SLC22A12: variants seen among roughly 807,000 people sequenced by gnomAD.
The protein encoded by SLC22A12 is solute carrier family 22 member 12.
SLC22A12 carries 56 observed loss-of-function variants against 52.7 expected under a neutral mutation model. That is an observed-to-expected ratio of 1.06 (90% CI 0.86 to 1.33). The LOEUF (loss-of-function observed/expected upper bound fraction) is 1.33. Among genes scored for constraint, SLC22A12 ranks in the 40% most tolerant of loss-of-function variants. SLC22A12 has a pLI of 0.00. For missense variants in SLC22A12, 683 were observed against 741.5 expected (o/e 0.92, Z 0.92); for synonymous variants, 337 against 324.6 (o/e 1.04, Z -0.41).
intron 4 of SLC22A12, among the ~76,000 whole-genome samples, chr11:64,594,487 TAGGTAGG>T (rs1214818247): frequency 2.8e-3 from 1 of 360 alleles, no homozygotes; most frequent in African/African-American, 3.8e-3. Context: ...AATAGATAGA[TAGGTAGG>T]TAGGTAGGTA....
intron 4 of SLC22A12, among the ~76,000 whole-genome samples, chr11:64,596,247 A>AATGGATGG (rs1437730772): frequency 2.1e-4 from 7 of 32,872 alleles, no homozygotes; most frequent in African/African-American, 6.0e-4. Flanking sequence ...GGATGGATGG[A>AATGGATGG]ATGGATGGAT....
rs1287878580 is a variant in SLC22A12 at position 64,598,558 on chromosome 11, G to T, written c.873G>T (p.Arg291Ser). The T allele has an allele frequency of 6.2e-7, 1 of 1,603,984 alleles. No individual in the cohort carries two copies. The highest frequency in any genetic ancestry group is 8.5e-7 in the Non-Finnish European group (1 of 1,176,500). ...ESARWLLTTG[R>S]LDWGLQELWR... ...CACGATGGCTCCTCACCACAGGCAGGCTGGATTGGGGCCTGCAGGAGCTGT... is the reference window on the plus strand; with the variant it reads ...CACGATGGCTCCTCACCACAGGCAGTCTGGATTGGGGCCTGCAGGAGCTGT... Residue 291 changes from arginine to serine, a missense_variant, in exon 5 of 10, where the codon AGG becomes AGT. Transcript: ENST00000377574.
intron 4 of SLC22A12, 113 bp from the exon 5 acceptor site, chr11:64,598,403 C>T (rs891127968): frequency 4.1e-6 from 6 of 1,468,518 alleles, no homozygotes; most frequent in South Asian, 2.4e-5. Flanking sequence ...GGTCCTCAGC[C>T]GCCCTAAGCC....
chr11:64,592,668 A>G (rs1226817708), intron 1 of SLC22A12, 111 bp from the exon 2 acceptor site: 2 of 875,302 alleles, frequency 2.3e-6, no homozygotes, highest in Non-Finnish European at 3.9e-6. Flanking sequence ...CCTAGAGGTC[A>G]CCAGACCACC....
In SLC22A12 at chr11:64,591,619, G is replaced by A. The variant is rs762500419; in HGVS notation, c.63G>A (p.Thr21=). The A allele has an allele frequency of 3.7e-6, 6 of 1,613,038 alleles. No homozygotes were observed. Among genetic ancestry groups the A allele is most frequent in the South Asian group, 3.3e-5 (3 of 91,082 alleles). Residue 21 remains threonine (T), a synonymous_variant, in exon 1 of 10, where the codon ACG becomes ACA. Coordinates refer to ENST00000377574, the MANE Select transcript of SLC22A12 (RefSeq NM_144585.4). Reference sequence around the variant, plus strand: ...TGGGCAGGTTCCAGGTTCTCCAGACGATGGCTCTGATGGTCTCCATCATGT... The same window carrying A: ...TGGGCAGGTTCCAGGTTCTCCAGACAATGGCTCTGATGGTCTCCATCATGT... ...GGLGRFQVLQ[T]MALMVSIMWL...
chr11:64,599,844 GT>G lies in SLC22A12; in HGVS notation c.1241del (p.Leu414CysfsTer53). The G allele has an allele frequency of 6.2e-7, 1 of 1,612,820 alleles. No individual in the cohort carries two copies. The highest frequency in any genetic ancestry group is 8.5e-7 in the Non-Finnish European group (1 of 1,179,850). On this transcript the variant is annotated frameshift_variant, in exon 7 of 10. Transcript: ENST00000377574. LOFTEE classifies it high-confidence loss of function. ...GCCGCCCCACGCTGGCCGCATCCCT[GT>G]TGCTGGCAGGGCTCTGCATTCTGGC... ...GRRPTLAASL[L>X]LAGLCILANT...
In SLC22A12 at chr11:64,599,811, C is replaced by T. The variant is rs749785315; in HGVS notation, c.1206C>T (p.His402=). The change falls in exon 7 of 10, where the codon CAC becomes CAT. Residue 402 remains histidine, a synonymous_variant. Coordinates refer to ENST00000377574, the MANE Select transcript of SLC22A12 (RefSeq NM_144585.4). ...TGGGCGCCCTGCTGCTGCTGAGCCA[C>T]CTGGGCCGCCGCCCCACGCTGGCCG... is the stretch of plus-strand genomic sequence containing the variant. The part of the protein sequence containing the change: ...AKMGALLLLS[H]LGRRPTLAAS... 7 of 1,612,768 alleles carry T rather than the reference C, an allele frequency of 4.3e-6. No individual in the cohort carries two copies. The highest frequency in any genetic ancestry group is 3.3e-5 in the South Asian group (3 of 91,064).
chr11:64,591,393 G>A lies in SLC22A12; in HGVS notation c.-164G>A. ...AGTGACACCAGCAGGCAGATGACCA[G>A]AGAGCCTGAGCCTCCGGCCCCGAGT... On this transcript the variant is annotated 5_prime_UTR_variant, in exon 1 of 10. Coordinates refer to ENST00000377574, the MANE Select transcript of SLC22A12 (RefSeq NM_144585.4). 1 of 920,620 alleles carries A rather than the reference G, an allele frequency of 1.1e-6. No individual in the cohort carries two copies. Among genetic ancestry groups the A allele is most frequent in the East Asian group, 2.5e-5 (1 of 39,352 alleles). The allele number at this position is 920,620 out of a possible 1,614,324, so 57.0% of individuals were successfully genotyped here.
chr11:64,600,607 G>A, intron 8 of SLC22A12, 128 bp from the exon 9 acceptor site: 1 of 1,441,188 alleles, frequency 6.9e-7, no homozygotes, highest in South Asian at 1.2e-5. Context: ...CCCCGGGGCT[G>A]CTCAGGTGCA....
chr11:64,599,591 G>GGCCCCCCCCCCCCTTTTTCCC, intron 6 of SLC22A12, 85 bp from the exon 7 acceptor site: 1 of 617,180 alleles, frequency 1.6e-6, no homozygotes, highest in South Asian at 2.6e-5. Context: ...CCCACCCTGA[G>GGCCCCCCCCCCCCTTTTTCCC]CCCCCACCGC....
intron 4 of SLC22A12, among the ~76,000 whole-genome samples, chr11:64,595,280 T>C (rs2039110905): frequency 2.0e-5 from 1 of 49,514 alleles, no homozygotes; most frequent in Admixed American, 2.3e-4. Context: ...GATGGATGGT[T>C]GAATGGATGG....
At position 64,600,387 on chromosome 11, in the gene SLC22A12, G is replaced by A; in HGVS notation, c.1306G>A (p.Ala436Thr). The A allele has an allele frequency of 6.2e-7, 1 of 1,606,860 alleles. No individual in the cohort carries two copies. Among genetic ancestry groups the A allele is most frequent in the East Asian group, 2.2e-5 (1 of 44,806 alleles). ...VPHEMGALRS[A>T]LAVLGLGGVG... ...CACAGAAATGGGGGCTCTGCGCTCA[G>A]CCTTGGCCGTGCTGGGGCTGGGCGG... Residue 436 changes from alanine to threonine, a missense_variant, in exon 8 of 10, where the codon GCC (alanine) becomes ACC (threonine). By Grantham distance (58) the Ala-to-Thr change is moderately conservative. Coordinates refer to ENST00000377574, the MANE Select transcript of SLC22A12 (RefSeq NM_144585.4).
rs201103142 is a variant in SLC22A12, at chr11:64,595,016, T to C, written c.830+1213T>C. Among the ~76,000 whole-genome samples, 35 of 95,670 alleles carry C rather than the reference T, an allele frequency of 3.7e-4. 2 individuals carry two copies. Among genetic ancestry groups the C allele is most frequent in the African/African-American group, 1.1e-3 (30 of 26,892 alleles). The allele number at this position is 95,670 out of a possible 152,430, so 62.8% of individuals were successfully genotyped here. A position where few individuals can be genotyped will look rare whatever the true frequency, so the allele number is the denominator to read the frequency against. On this transcript the variant is annotated intron_variant, in intron 4 of 9. Coordinates refer to ENST00000377574, the MANE Select transcript of SLC22A12 (RefSeq NM_144585.4). Reference sequence around the variant, plus strand: ...ATGGATGGATGGATGGATGGATGGATGGATGGTTGGAATAGATGGATGGAT... The same window carrying C: ...ATGGATGGATGGATGGATGGATGGACGGATGGTTGGAATAGATGGATGGAT...
chr11:64,597,515 C>T (rs562314177), intron 4 of SLC22A12, among the ~76,000 whole-genome samples: 1 of 152,334 alleles, frequency 6.6e-6, no homozygotes, highest in South Asian at 2.1e-4. Flanking sequence ...TGACGCCTCT[C>T]TCTCCCTCAC....
chr11:64,599,822 GC>G lies in SLC22A12; in HGVS notation c.1221del (p.Thr408ArgfsTer59). The G allele has an allele frequency of 6.2e-7, 1 of 1,612,770 alleles. No individual in the cohort carries two copies. Among genetic ancestry groups the G allele is most frequent in the Non-Finnish European group, 8.5e-7 (1 of 1,179,816 alleles). ...CTGCTGCTGAGCCACCTGGGCCGCC[GC>G]CCCACGCTGGCCGCATCCCTGTTGC... is the stretch of plus-strand genomic sequence containing the variant. ...ALLLLSHLGRRPTLAASLLLA... is the reference protein window; with the variant it reads ...ALLLLSHLGRXPTLAASLLLA... On this transcript the variant is annotated frameshift_variant, in exon 7 of 10. Coordinates refer to ENST00000377574, the MANE Select transcript of SLC22A12 (RefSeq NM_144585.4). LOFTEE classifies it high-confidence loss of function.
In SLC22A12 at chr11:64,599,035, A is replaced by AC. The variant is rs1302743643; in HGVS notation, c.1070+114dup. 4 of 1,419,548 alleles carry AC rather than the reference A, an allele frequency of 2.8e-6. No individual in the cohort carries two copies. The African/African-American group carries it at 5.7e-5, about 20-fold the overall frequency. 87.9% of individuals were successfully genotyped at this position (1,419,548 alleles called of 1,614,324 possible). On this transcript the variant is annotated intron_variant, in intron 6 of 9. Transcript: ENST00000377574. Reference sequence around the variant, plus strand: ...CCGCTTGGTCCCACTGGCCTGCAACACCGACACCTTCCCCTCTGTCAGTCA... The same window carrying AC: ...CCGCTTGGTCCCACTGGCCTGCAACACCCGACACCTTCCCCTCTGTCAGTCA...
At chr11:64,601,318 C>G (rs112631085) in intron 9 of SLC22A12, among the ~76,000 whole-genome samples, 170 bp from the exon 10 acceptor site, 1 of 152,116 alleles carries the variant, frequency 6.6e-6, no homozygotes, top group Admixed American at 6.5e-5. Flanking sequence ...TGATGGCTGG[C>G]AGGGCAGTCA....
In SLC22A12 at chr11:64,601,493, T is replaced by TG; in HGVS notation, c.1604_1605insG (p.Lys537GlufsTer69). On this transcript the variant is annotated frameshift_variant, in exon 10 of 10. Transcript: ENST00000377574. LOFTEE classifies it low-confidence loss of function (END_TRUNC). ...CCCGTGTGCTTCCTGAACAGGGCAG[T>TG]AAAGAAGGCAACACATGGCACGCTG... 6.2e-7 allele frequency: 1 copy of TG among 1,612,998 alleles called. No individual in the cohort carries two copies. The highest frequency in any genetic ancestry group is 8.5e-7 in the Non-Finnish European group (1 of 1,179,876).
chr11:64,596,382 T>C (rs1421431644), intron 4 of SLC22A12, among the ~76,000 whole-genome samples: 2 of 146,532 alleles, frequency 1.4e-5, no homozygotes, highest in African/African-American at 5.1e-5. Flanking sequence ...ATGGAATGGA[T>C]GGATGGATGG....
Sources: gnomAD v4.1 joint callset for allele counts (sites outside exome capture counted in the v4.1 genomes callset) on GRCh38, gnomAD v4.1.1 for gene constraint, MANE v1.5 for transcripts, NCBI Gene and HGNC (gene_info 2026-07-23, HGNC 2026-07-21) for gene names.